TNPO1: variants seen among roughly 807,000 people sequenced by gnomAD.
The protein encoded by TNPO1 is transportin 1, also known as transportin-1.
TNPO1 carries 8 observed loss-of-function variants against 119.5 expected under a neutral mutation model. That is an observed-to-expected ratio of 0.07 (90% CI 0.04 to 0.12). TNPO1 has a LOEUF of 0.12. Ranked by LOEUF, TNPO1 falls within the 10% of genes least tolerant of loss-of-function variation. TNPO1 has a pLI of 1.00. For missense variants in TNPO1, 576 were observed against 1,089.8 expected (o/e 0.53, Z 6.64); for synonymous variants, 362 against 363.0 (o/e 1.00, Z 0.03).
At chr5:72,866,616 T>C (rs1016078108) in intron 6 of TNPO1, among the ~76,000 whole-genome samples, 1 of 152,004 alleles carries the variant, frequency 6.6e-6, no homozygotes, top group South Asian at 2.1e-4. Flanking sequence ...TAGCTGGGCA[T>C]GGTGTCACAC....
chr5:72,848,158 G>C, intron 1 of TNPO1: 1 of 1,205,390 alleles, frequency 8.3e-7, no homozygotes, highest in Non-Finnish European at 1.0e-6. Context: ...CGGCGGCCGC[G>C]GCGGCAGCAG....
chr5:72,849,046 C>T (rs1434604924), intron 2 of TNPO1, among the ~76,000 whole-genome samples: 5 of 151,632 alleles, frequency 3.3e-5, no homozygotes, highest in Non-Finnish European at 7.4e-5. Context: ...ACGTCCTTGC[C>T]CTAAAAAGGC....
chr5:72,881,197 A>G (rs1284666457), intron 9 of TNPO1, among the ~76,000 whole-genome samples: 1 of 151,692 alleles, frequency 6.6e-6, no homozygotes, highest in African/African-American at 2.4e-5. Flanking sequence ...TACAAGCTCC[A>G]CCACCCGGGT....
chr5:72,850,974 A>G (rs756388841), intron 2 of TNPO1, among the ~76,000 whole-genome samples: 6 of 152,138 alleles, frequency 3.9e-5, no homozygotes, highest in Admixed American at 6.5e-5. Flanking sequence ...ATTTTTTGCT[A>G]TATTGAGCAT....
intron 21 of TNPO1, among the ~76,000 whole-genome samples, chr5:72,900,365 C>T (rs1749719478): frequency 6.6e-6 from 1 of 152,106 alleles, no homozygotes; most frequent in Non-Finnish European, 1.5e-5. Flanking sequence ...TTTAAATATC[C>T]ACCAGAAAAA....
At chr5:72,817,160 G>A (rs1337570774) in intron 1 of TNPO1, among the ~76,000 whole-genome samples, 1 of 152,240 alleles carries the variant, frequency 6.6e-6, no homozygotes, top group African/African-American at 2.4e-5. Context: ...GGCGCTGGCC[G>A]GCGCTGCCCG....
chr5:72,873,994 A>G (rs776344036), intron 7 of TNPO1, among the ~76,000 whole-genome samples: 2 of 152,176 alleles, frequency 1.3e-5, no homozygotes, highest in Non-Finnish European at 2.9e-5. Context: ...AATGATAGAC[A>G]TACCAGCACC....
At chr5:72,902,441 G>A (rs1749862662) in intron 22 of TNPO1, among the ~76,000 whole-genome samples, 1 of 151,732 alleles carries the variant, frequency 6.6e-6, no homozygotes, top group African/African-American at 2.4e-5. Flanking sequence ...ATAACTTACT[G>A]TTAGAACAAG....
chr5:72,830,763 C>T (rs1003287944), intron 1 of TNPO1, among the ~76,000 whole-genome samples: 148 of 152,130 alleles, frequency 9.7e-4, no homozygotes, highest in African/African-American at 3.2e-3. Flanking sequence ...CAAAGATTTT[C>T]TTTTTGTGTC....
At chr5:72,852,864 A>G (rs1745685939) in intron 3 of TNPO1, among the ~76,000 whole-genome samples, 1 of 152,232 alleles carries the variant, frequency 6.6e-6, no homozygotes, top group Non-Finnish European at 1.5e-5. Flanking sequence ...TTCAACAATT[A>G]ATATTCCTAG....
chr5:72,829,196 T>C (rs1232895792), intron 1 of TNPO1, among the ~76,000 whole-genome samples: 3 of 152,232 alleles, frequency 2.0e-5, no homozygotes, highest in Non-Finnish European at 4.4e-5. Context: ...GAGTGAAACA[T>C]TGGAACCACA....
intron 13 of TNPO1, among the ~76,000 whole-genome samples, chr5:72,888,557 T>C (rs994438885): frequency 2.6e-5 from 4 of 152,232 alleles, no homozygotes; most frequent in Non-Finnish European, 4.4e-5. Flanking sequence ...GGGTTTTACC[T>C]GATGATTTTG....
In TNPO1 at chr5:72,852,556, T is replaced by G. The variant is rs76044038; in HGVS notation, c.205+1237T>G. ...CTGTACCCTATTCAGTGATTAGTGT[T>G]TTAGAAGCCATGGTGCAATTAATAA... is the stretch of plus-strand genomic sequence containing the variant. On this transcript the variant is annotated intron_variant, in intron 3 of 24. Coordinates refer to ENST00000337273, the MANE Select transcript of TNPO1 (RefSeq NM_002270.4). Among the ~76,000 whole-genome samples, 446 of 152,344 alleles carry G rather than the reference T, an allele frequency of 2.9e-3. 2 individuals carry two copies. The highest frequency in any genetic ancestry group is 0.01 in the African/African-American group (425 of 41,566).
rs544472931 is a variant in TNPO1, at chr5:72,860,500, G to A, written c.356-1308G>A. Among the ~76,000 whole-genome samples, 2 of 152,324 alleles carry A rather than the reference G, an allele frequency of 1.3e-5. 1 individual carries two copies. Among genetic ancestry groups the A allele is most frequent in the African/African-American group, 4.8e-5 (2 of 41,568 alleles). ...ACTTTCCTTACATTTGTGTGTATTT[G>A]CATAATTCATTGACTATCACAACTC... On this transcript the variant is annotated intron_variant, in intron 4 of 24. Coordinates refer to ENST00000337273, the MANE Select transcript of TNPO1 (RefSeq NM_002270.4).
intron 20 of TNPO1, among the ~76,000 whole-genome samples, chr5:72,899,424 T>C (rs1309889586): frequency 6.6e-6 from 1 of 152,138 alleles, no homozygotes; most frequent in East Asian, 1.9e-4. Context: ...GGTAACAAAT[T>C]TCCACTGGTT....
intron 1 of TNPO1, among the ~76,000 whole-genome samples, chr5:72,846,533 T>G (rs758043569): frequency 1.3e-5 from 2 of 152,220 alleles, no homozygotes; most frequent in Admixed American, 6.5e-5. Context: ...TAGGATTGAA[T>G]TAACTTGTCT....
chr5:72,877,142 T>A (rs1016985460), intron 8 of TNPO1, 86 bp from the exon 9 acceptor site: 24 of 641,632 alleles, frequency 3.7e-5, no homozygotes, highest in Non-Finnish European at 6.1e-5. Flanking sequence ...AACCATAAGG[T>A]CAAAAGCTTG....
At chr5:72,823,668 G>A (rs1360099239) in intron 1 of TNPO1, among the ~76,000 whole-genome samples, 3 of 152,100 alleles carry the variant, frequency 2.0e-5, no homozygotes. Flanking sequence ...TGATTAATCA[G>A]TTTAATTACT....
chr5:72,863,909 A>T (rs1472369640), intron 5 of TNPO1, among the ~76,000 whole-genome samples: 3 of 152,200 alleles, frequency 2.0e-5, no homozygotes, highest in African/African-American at 7.2e-5. Flanking sequence ...TCCAAGAATA[A>T]AAAATTTAAG....
Sources: allele counts gnomAD v4.1 joint callset (sites outside exome capture counted in the v4.1 genomes callset), GRCh38; gene constraint gnomAD v4.1.1; transcripts MANE v1.5; gene names NCBI Gene and HGNC (gene_info 2026-07-23, HGNC 2026-07-21).